Variants in TRIT1 observed in about 807,000 individuals in gnomAD.
TRIT1 encodes tRNA isopentenyltransferase 1, also known as tRNA dimethylallyltransferase.
Under a neutral mutation model 51.2 loss-of-function variants are expected in TRIT1, and 43 were observed. The ratio of observed to expected loss-of-function variants is 0.84; its 90% CI spans 0.66 to 1.08. The LOEUF (loss-of-function observed/expected upper bound fraction) is 1.08, where lower values mean the gene tolerates loss of function less well. TRIT1 is among the 50% of genes least tolerant of loss of function. The pLI is 0.00. For synonymous variants in TRIT1, 184 were observed against 203.9 expected, an observed-to-expected ratio of 0.90 and a Z score of 0.83; for missense variants, 528 against 578.4, an observed-to-expected ratio of 0.91 and a Z score of 0.89.
chr1:39,842,810 A>C (rs1641993088), intron 10 of TRIT1, among the ~76,000 whole-genome samples: 1 of 152,236 alleles, frequency 6.6e-6, no homozygotes, highest in South Asian at 2.1e-4. Flanking sequence ...GGTAGAGGTT[A>C]GAATTAAGAG....
intron 7 of TRIT1, 38 bp from the exon 8 acceptor site, chr1:39,847,335 C>G: frequency 1.3e-6 from 2 of 1,573,308 alleles, no homozygotes; most frequent in Non-Finnish European, 1.7e-6. Flanking sequence ...TCTAGGTAAG[C>G]ACTCCTTACC....
chr1:39,853,550 C>T (rs1642713388), intron 3 of TRIT1, among the ~76,000 whole-genome samples: 2 of 152,010 alleles, frequency 1.3e-5, no homozygotes, highest in South Asian at 4.2e-4. Context: ...TGCGTGCCAC[C>T]ATGCCTGGCT....
chr1:39,864,858 A>G (rs2124643902), intron 1 of TRIT1, among the ~76,000 whole-genome samples: 1 of 152,298 alleles, frequency 6.6e-6, no homozygotes, highest in Middle Eastern at 3.4e-3. Flanking sequence ...GTCCCAACAT[A>G]GCTGTCTACA....
At position 39,844,154 on chromosome 1, in the gene TRIT1, T is replaced by C. The variant is rs1023710991; in HGVS notation, c.1181A>G (p.Tyr394Cys). 1 of 1,614,220 alleles carries C rather than the reference T, an allele frequency of 6.2e-7. No homozygotes were observed. The highest frequency in any genetic ancestry group is 8.5e-7 in the Non-Finnish European group (1 of 1,180,022). ...PYNEAENKRS[Y>C]HLCDLCDRII... ...TCGATCACAGAGGTCACACAGGTGATAACTTCTCTTGTTCTCAGCTTCATT... is the reference window on the plus strand; with the variant it reads ...TCGATCACAGAGGTCACACAGGTGACAACTTCTCTTGTTCTCAGCTTCATT... The change falls in exon 10 of 11, where the codon TAT becomes TGT. Residue 394 changes from tyrosine to cysteine, a missense_variant. Tyr to Cys is a radical substitution (Grantham distance 194, BLOSUM62 -2). This residue lies in a region of TRIT1 where 468 missense variants were observed against 522.6 expected (regional missense o/e 0.90). Coordinates refer to ENST00000316891, the MANE Select transcript of TRIT1 (RefSeq NM_017646.6).
Position 39,844,979 on chromosome 1 carries a change from G to A in TRIT1, c.1007-339C>T, listed in dbSNP as rs77510436. On this transcript the variant is annotated intron_variant, in intron 8 of 10. Transcript: ENST00000316891. ...AGAAGAAATAAACTAACAGCTTTAA[G>A]TAAGTGCCTATTCTAAGTTCCATAT... 3.9e-4 allele frequency among the ~76,000 whole-genome samples: 59 copies of A among 152,356 alleles called. 1 individual carries two copies. In the East Asian group the frequency reaches 0.01, roughly 26 times the overall value.
rs778839213 is a variant in TRIT1, at chr1:39,857,340, G to A, written c.252C>T (p.Ser84=). 1 of 1,614,130 alleles carries A rather than the reference G, an allele frequency of 6.2e-7. No homozygotes were observed. Among genetic ancestry groups the A allele is most frequent in the East Asian group, 2.2e-5 (1 of 44,886 alleles). Residue 84 remains serine (S), a synonymous_variant, in exon 2 of 11, where the codon AGC becomes AGT. Coordinates refer to ENST00000316891, the MANE Select transcript of TRIT1 (RefSeq NM_017646.6). ...EQRICRHHMI[S]FVDPLVTNYT... ...AATTGGTCACAAGAGGATCCACAAA[G>A]CTGATCATGTGGTGCCGGCAGATTC...
chr1:39,870,329 A>G (rs1038546770), intron 1 of TRIT1, among the ~76,000 whole-genome samples: 15 of 152,200 alleles, frequency 9.9e-5, no homozygotes, highest in African/African-American at 3.4e-4. Flanking sequence ...GTAAAGAGTC[A>G]TCACCACTCC....
At chr1:39,852,557 G>T in intron 4 of TRIT1, 174 bp downstream of exon 4, 1 of 691,542 alleles carries the variant, frequency 1.4e-6, no homozygotes, top group Non-Finnish European at 2.5e-6. Context: ...ATTATTTATT[G>T]AGGGAGTTGA....
chr1:39,844,241 G>T, intron 9 of TRIT1, 23 bp from the exon 10 acceptor site: 1 of 1,548,744 alleles, frequency 6.5e-7, no homozygotes, highest in South Asian at 1.1e-5. Context: ...GGGTGGAAGG[G>T]AGTATTCAAT....
intron 1 of TRIT1, among the ~76,000 whole-genome samples, chr1:39,865,005 C>T (rs1470105022): frequency 1.3e-5 from 2 of 152,194 alleles, no homozygotes; most frequent in East Asian, 3.8e-4. Flanking sequence ...ATTACACCTG[C>T]CTTGAAAACC....
At chr1:39,868,644 C>CAAAA (rs60152365) in intron 1 of TRIT1, among the ~76,000 whole-genome samples, 2 of 89,828 alleles carry the variant, frequency 2.2e-5, no homozygotes, top group Admixed American at 1.1e-4. Flanking sequence ...AACTTCCTCT[C>CAAAA]AAAAAAAAAA....
In TRIT1 at chr1:39,872,068, A is replaced by ATT. The variant is rs59839907; in HGVS notation, c.174+11248_174+11249dup. Among the ~76,000 whole-genome samples the ATT allele has an allele frequency of 4.6e-3, 522 of 114,186 alleles. 10 individuals are homozygous for ATT. The highest frequency in any genetic ancestry group is 4.9e-3 in the Non-Finnish European group (296 of 59,942). The allele number at this position is 114,186 out of a possible 152,430, so 74.9% of individuals were successfully genotyped here. A position where few individuals can be genotyped will look rare whatever the true frequency, so the allele number is the denominator to read the frequency against. On this transcript the variant is annotated intron_variant, in intron 1 of 10. Coordinates refer to ENST00000316891, the MANE Select transcript of TRIT1 (RefSeq NM_017646.6). ...AGGTATGTGCTACCAGGCCTGACTA[A>ATT]TTTTTTTTTTTTTTTTTTTTTTTGT...
chr1:39,871,145 A>T (rs1215926994), intron 1 of TRIT1, among the ~76,000 whole-genome samples: 1 of 152,088 alleles, frequency 6.6e-6, no homozygotes, highest in East Asian at 1.9e-4. Flanking sequence ...GTAAGCCAAG[A>T]TTGCACCACT....
chr1:39,846,709 G>A (rs931566550), intron 8 of TRIT1, among the ~76,000 whole-genome samples: 4 of 152,148 alleles, frequency 2.6e-5, no homozygotes, highest in Admixed American at 6.5e-5. Flanking sequence ...ACAGTACAGG[G>A]CCAAATCAAT....
Position 39,839,280 on chromosome 1 carries a change from A to G in TRIT1, c.*2464T>C, listed in dbSNP as rs541303107. ...CACTCCAGGCTGAGCAAATAGCCCA[A>G]AGCTCTATGGTACTTTTCAGCTCTC... On this transcript the variant is annotated 3_prime_UTR_variant, in exon 11 of 11. Coordinates refer to ENST00000316891, the MANE Select transcript of TRIT1 (RefSeq NM_017646.6). Among the ~76,000 whole-genome samples, 38 of 152,340 alleles carry G rather than the reference A, an allele frequency of 2.5e-4. No individual in the cohort carries two copies. Among genetic ancestry groups the G allele is most frequent in the African/African-American group, 9.1e-4 (38 of 41,580 alleles).
At chr1:39,878,344 C>T (rs974591483) in intron 1 of TRIT1, among the ~76,000 whole-genome samples, 3 of 152,188 alleles carry the variant, frequency 2.0e-5, no homozygotes. Context: ...GCTTAAAGTA[C>T]TTATTCAATG....
chr1:39,866,126 A>T (rs936912133), intron 1 of TRIT1, among the ~76,000 whole-genome samples: 8 of 150,668 alleles, frequency 5.3e-5, no homozygotes, highest in Non-Finnish European at 1.2e-4. Flanking sequence ...GGAAGGAAGG[A>T]GGAAGGTCAA....
At chr1:39,860,867 C>T (rs1488547381) in intron 1 of TRIT1, among the ~76,000 whole-genome samples, 1 of 152,192 alleles carries the variant, frequency 6.6e-6, no homozygotes, top group Non-Finnish European at 1.5e-5. Flanking sequence ...ATCATGAGAT[C>T]AGGAGTTCAA....
intron 1 of TRIT1, among the ~76,000 whole-genome samples, chr1:39,873,520 T>C (rs1225866341): frequency 6.6e-6 from 1 of 152,174 alleles, no homozygotes; most frequent in Non-Finnish European, 1.5e-5. Context: ...CAGTATAGTA[T>C]CCTAAATTGA....
Sources: allele counts gnomAD v4.1 joint callset (sites outside exome capture counted in the v4.1 genomes callset), GRCh38; gene constraint gnomAD v4.1.1; regional missense constraint gnomAD v4.1.1; transcripts MANE v1.5; gene names NCBI Gene and HGNC (gene_info 2026-07-23, HGNC 2026-07-21).